MARK1: variants seen among roughly 807,000 people sequenced by gnomAD.
MARK1 encodes microtubule affinity regulating kinase 1.
MARK1 carries 40 observed loss-of-function variants against 96.3 expected under a neutral mutation model. The ratio of observed to expected loss-of-function variants is 0.42; its 90% confidence interval spans 0.32 to 0.54. The LOEUF (loss-of-function observed/expected upper bound fraction) is 0.54, where lower values mean the gene tolerates loss of function less well. MARK1 is among the 20% of genes least tolerant of loss of function. MARK1 has a pLI of 0.16. For synonymous variants in MARK1, 317 were observed against 341.2 expected, an observed-to-expected ratio of 0.93 and a Z score of 0.78; for missense variants, 719 against 984.6, an observed-to-expected ratio of 0.73 and a Z score of 3.61.
At chr1:220,533,692 A>G (rs1341575886) in intron 1 of MARK1, among the ~76,000 whole-genome samples, 2 of 152,260 alleles carry the variant, frequency 1.3e-5, no homozygotes, top group Middle Eastern at 3.4e-3. Flanking sequence ...TTCAGGAGTC[A>G]TCTGCTATTT....
At chr1:220,563,369 C>T (rs116710392) in intron 1 of MARK1, among the ~76,000 whole-genome samples, 1 of 152,218 alleles carries the variant, frequency 6.6e-6, no homozygotes, top group Non-Finnish European at 1.5e-5. Context: ...ATACCTCTTA[C>T]TGTATTGTAT....
At chr1:220,624,446 A>C (rs1287301097) in intron 9 of MARK1, among the ~76,000 whole-genome samples, 1 of 151,864 alleles carries the variant, frequency 6.6e-6, no homozygotes, top group East Asian at 1.9e-4. Context: ...TTAAAGATAC[A>C]AAATCAGCCA....
At chr1:220,544,561 A>G (rs2102722118) in intron 1 of MARK1, among the ~76,000 whole-genome samples, 1 of 152,332 alleles carries the variant, frequency 6.6e-6, no homozygotes, top group South Asian at 2.1e-4. Flanking sequence ...CTACAGAATC[A>G]TGAGCTAAAT....
intron 1 of MARK1, among the ~76,000 whole-genome samples, chr1:220,529,898 G>A (rs1660194597): frequency 6.6e-6 from 1 of 152,166 alleles, no homozygotes; most frequent in African/African-American, 2.4e-5. Flanking sequence ...AGGACCTAGA[G>A]GGGTACTAAG....
At chr1:220,578,009 G>A (rs1177645402) in intron 1 of MARK1, among the ~76,000 whole-genome samples, 1 of 152,152 alleles carries the variant, frequency 6.6e-6, no homozygotes, top group Non-Finnish European at 1.5e-5. Flanking sequence ...AAATGACTTT[G>A]AATCATGCTT....
At chr1:220,552,928 T>G (rs768620480) in intron 1 of MARK1, among the ~76,000 whole-genome samples, 1 of 152,178 alleles carries the variant, frequency 6.6e-6, no homozygotes, top group South Asian at 2.1e-4. Flanking sequence ...GCTGACAGAT[T>G]AGCCTTAGTG....
intron 1 of MARK1, among the ~76,000 whole-genome samples, chr1:220,569,660 ACTT>A (rs1169711953): frequency 6.6e-6 from 1 of 152,130 alleles, no homozygotes; most frequent in Non-Finnish European, 1.5e-5. Context: ...ATAATTTATT[ACTT>A]CTTCATTGAT....
At chr1:220,615,815 A>G in intron 6 of MARK1, 124 bp from the exon 7 acceptor site, 4 of 585,488 alleles carry the variant, frequency 6.8e-6, no homozygotes, top group Non-Finnish European at 9.1e-6. Flanking sequence ...AACTAAAAGC[A>G]TTGCATATTT....
intron 5 of MARK1, among the ~76,000 whole-genome samples, chr1:220,601,936 TTTTC>T (rs1330660166): frequency 6.6e-6 from 1 of 152,126 alleles, no homozygotes; most frequent in East Asian, 1.9e-4. Flanking sequence ...CTGCGATAGG[TTTTC>T]TTTGAGTTTG....
At chr1:220,611,498 G>GA (rs1011304606) in intron 6 of MARK1, among the ~76,000 whole-genome samples, 1 of 152,258 alleles carries the variant, frequency 6.6e-6, no homozygotes, top group African/African-American at 2.4e-5. Flanking sequence ...CTTTGGCTAG[G>GA]AAAGGGAAAT....
At chr1:220,609,949 G>A (rs1666333691) in intron 6 of MARK1, among the ~76,000 whole-genome samples, 1 of 152,142 alleles carries the variant, frequency 6.6e-6, no homozygotes. Flanking sequence ...CCCTTTGTAG[G>A]TAACTCAACC....
chr1:220,616,824 G>A (rs1666776835), intron 7 of MARK1, among the ~76,000 whole-genome samples: 1 of 152,104 alleles, frequency 6.6e-6, no homozygotes. Flanking sequence ...GAATGAGAAA[G>A]AAAAGAACTG....
At chr1:220,538,568 C>G (rs1660891715) in intron 1 of MARK1, among the ~76,000 whole-genome samples, 1 of 152,010 alleles carries the variant, frequency 6.6e-6, no homozygotes, top group South Asian at 2.1e-4. Context: ...TTTTTTGGTT[C>G]CATATGAACT....
Position 220,636,750 on chromosome 1 carries a change from C to T in MARK1, c.1470+724C>T, listed in dbSNP as rs144075958. The stretch of plus-strand genomic sequence containing the variant: ...AATATTTTAAAGATTCCAGAGTCAG[C>T]GCAGACGACCTTAAAAGGAACAAGA... On this transcript the variant is annotated intron_variant, in intron 13 of 17. Transcript: ENST00000366917. 2.5e-3 allele frequency among the ~76,000 whole-genome samples: 378 copies of T among 151,942 alleles called. 2 individuals carry two copies. The highest frequency in any genetic ancestry group is 7.9e-3 in the African/African-American group (326 of 41,474).
chr1:220,584,440 T>C (rs1294779400), intron 3 of MARK1, among the ~76,000 whole-genome samples: 2 of 152,188 alleles, frequency 1.3e-5, no homozygotes, highest in East Asian at 3.8e-4. Flanking sequence ...AGGAAAAGGG[T>C]AAAACATTTA....
At chr1:220,625,239 A>T (rs1423013222) in intron 9 of MARK1, among the ~76,000 whole-genome samples, 1 of 152,260 alleles carries the variant, frequency 6.6e-6, no homozygotes, top group Admixed American at 6.5e-5. Context: ...AGAGTTTAAT[A>T]ACAGTAACAC....
chr1:220,601,054 A>T (rs1480754524), intron 5 of MARK1, among the ~76,000 whole-genome samples: 4 of 151,852 alleles, frequency 2.6e-5, no homozygotes, highest in African/African-American at 4.8e-5. Context: ...AGTAGCTGGG[A>T]CTACAGGTGC....
rs1248344728 is a variant in MARK1, at chr1:220,618,140, G to A, written c.553-170G>A. 6.6e-6 allele frequency among the ~76,000 whole-genome samples: 1 copy of A among 152,168 alleles called. No individual in the cohort carries two copies. The highest frequency in any genetic ancestry group is 1.5e-5 in the Non-Finnish European group (1 of 68,034). ...TGTTAAAATTTAGTCTTATGTAGAT[G>A]TAATTCAGAACAGTTATGCATTGAA... On this transcript the variant is annotated intron_variant, in intron 7 of 17. Coordinates refer to ENST00000366917, the MANE Select transcript of MARK1 (RefSeq NM_018650.5). The surrounding 1 kb of genome is among the most constrained non-coding windows in gnomAD (Gnocchi z 4.6).
At chr1:220,634,748 CA>C (rs940800032) in intron 11 of MARK1, among the ~76,000 whole-genome samples, 26 of 152,090 alleles carry the variant, frequency 1.7e-4, no homozygotes, top group African/African-American at 6.3e-4. Flanking sequence ...TTGTATGTTA[CA>C]GAGAGAGGGA....
Sources: allele counts gnomAD v4.1 joint callset (sites outside exome capture counted in the v4.1 genomes callset), GRCh38; gene constraint gnomAD v4.1.1; non-coding constraint Gnocchi (gnomAD v3.1); transcripts MANE v1.5; gene names NCBI Gene and HGNC (gene_info 2026-07-23, HGNC 2026-07-21).